NALCN: variants seen among roughly 807,000 people sequenced by gnomAD.
The protein encoded by NALCN is sodium leak channel, non-selective.
In NALCN, 111 loss-of-function variants were observed where a neutral mutation model predicts 225.3. The ratio of observed to expected loss-of-function variants is 0.49; its 90% confidence interval spans 0.42 to 0.58. The LOEUF (loss-of-function observed/expected upper bound fraction) is 0.58, where lower values mean the gene tolerates loss of function less well. Among genes scored for constraint, NALCN ranks in the 20% least tolerant of loss-of-function variants. The pLI, the probability that NALCN is intolerant of heterozygous loss-of-function variation, is 0.00. For missense variants in NALCN, 1,378 were observed against 2,202.4 expected, an observed-to-expected ratio of 0.63 and a Z score of 7.49; for synonymous variants, 764 against 769.0, an observed-to-expected ratio of 0.99 and a Z score of 0.11.
intron 20 of NALCN, among the ~76,000 whole-genome samples, chr13:101,108,353 T>C (rs2035254665): frequency 6.6e-6 from 1 of 152,124 alleles, no homozygotes; most frequent in Non-Finnish European, 1.5e-5. Flanking sequence ...ATATGGCAAG[T>C]GGAAACAAAA....
At chr13:101,151,955 C>A (rs1477716435) in intron 15 of NALCN, among the ~76,000 whole-genome samples, 2 of 152,126 alleles carry the variant, frequency 1.3e-5, no homozygotes, top group Non-Finnish European at 1.5e-5. Context: ...CTGCTGTGGA[C>A]AAAAGGCAAC....
chr13:101,378,694 T>A, intron 3 of NALCN, 41 bp from the exon 4 acceptor site: 1 of 1,502,700 alleles, frequency 6.7e-7, no homozygotes, highest in Non-Finnish European at 9.2e-7. Flanking sequence ...GCAAAGCAAA[T>A]ATTTTAAAGA....
At chr13:101,366,073 G>A (rs2046369672) in intron 6 of NALCN, among the ~76,000 whole-genome samples, 2 of 151,822 alleles carry the variant, frequency 1.3e-5, no homozygotes, top group African/African-American at 2.4e-5. Context: ...TTCCAGCTTC[G>A]GGGAGATTTC....
At chr13:101,284,075 C>T (rs978248260) in intron 9 of NALCN, 56 bp from the exon 10 acceptor site, 1 of 1,429,276 alleles carries the variant, frequency 7.0e-7, no homozygotes, top group South Asian at 1.2e-5. Context: ...ACATTGAGAA[C>T]TCTATGTCTC....
chr13:101,083,496 A>T (rs934164657), intron 31 of NALCN, among the ~76,000 whole-genome samples: 1 of 152,166 alleles, frequency 6.6e-6, no homozygotes, highest in Non-Finnish European at 1.5e-5. Flanking sequence ...TCATTTTTTC[A>T]TTAAGGCTTA....
intron 13 of NALCN, among the ~76,000 whole-genome samples, chr13:101,224,244 CT>C (rs1214253053): frequency 1.3e-5 from 2 of 152,088 alleles, no homozygotes; most frequent in African/African-American, 4.8e-5. Flanking sequence ...GCTTATGTCT[CT>C]TTCTCTCCCA....
chr13:101,305,725 T>C (rs891388050), intron 7 of NALCN, among the ~76,000 whole-genome samples: 1 of 152,194 alleles, frequency 6.6e-6, no homozygotes, highest in East Asian at 1.9e-4. Context: ...ATTGGAAAAA[T>C]GCAGTATTTA....
intron 6 of NALCN, among the ~76,000 whole-genome samples, chr13:101,347,561 G>T (rs73566948): frequency 0.048 from 7,335 of 152,204 alleles, 220 homozygotes; most frequent in Admixed American, 0.082. Flanking sequence ...CAAATACTAT[G>T]AACCTCATCA....
chr13:101,180,901 C>A (rs1594378014), intron 14 of NALCN: 1 of 374,524 alleles, frequency 2.7e-6, no homozygotes. Flanking sequence ...AGTCTTATTT[C>A]TTCTCAGAAA....
intron 7 of NALCN, among the ~76,000 whole-genome samples, chr13:101,332,661 CTTAT>C (rs780072187): frequency 2.6e-5 from 4 of 152,150 alleles, no homozygotes; most frequent in Non-Finnish European, 5.9e-5. Context: ...TACTGTAGAT[CTTAT>C]TTAACAAAAG....
At chr13:101,244,474 A>G (rs2041836326) in intron 11 of NALCN, among the ~76,000 whole-genome samples, 1 of 152,218 alleles carries the variant, frequency 6.6e-6, no homozygotes, top group South Asian at 2.1e-4. Context: ...TTATATTTAA[A>G]TATCTATAGT....
intron 28 of NALCN, 152 bp downstream of exon 28, chr13:101,095,422 C>G: frequency 1.8e-6 from 1 of 564,722 alleles, no homozygotes; most frequent in Non-Finnish European, 3.0e-6. Context: ...TTCTATCTTC[C>G]AATATAATCT....
intron 43 of NALCN, 55 bp downstream of exon 43, chr13:101,057,884 G>T: frequency 7.3e-7 from 1 of 1,371,988 alleles, no homozygotes. Context: ...CACACAAACA[G>T]AGTAAATACC....
intron 7 of NALCN, among the ~76,000 whole-genome samples, chr13:101,305,307 A>T (rs959337997): frequency 6.6e-6 from 1 of 152,216 alleles, no homozygotes; most frequent in Non-Finnish European, 1.5e-5. Flanking sequence ...ATTGGTTGGA[A>T]GGAAATAAGT....
chr13:101,356,785 C>T (rs1341996315), intron 6 of NALCN, among the ~76,000 whole-genome samples: 3 of 152,062 alleles, frequency 2.0e-5, no homozygotes, highest in Non-Finnish European at 4.4e-5. Context: ...TGCAAAAATC[C>T]TCAATAAAAT....
chr13:101,114,199 A>G (rs1470038092), intron 18 of NALCN, among the ~76,000 whole-genome samples: 1 of 152,202 alleles, frequency 6.6e-6, no homozygotes. Flanking sequence ...GACCTTAGAC[A>G]GGTGATGTGC....
In NALCN at chr13:101,054,093, T is replaced by C. The variant is rs2030904015; in HGVS notation, c.*1202A>G. The C allele has an allele frequency of 6.6e-6, 1 of 152,162 alleles. No homozygotes were observed. The highest frequency in any genetic ancestry group is 3.2e-3 in the Middle Eastern group (1 of 314). The allele number at this position is 152,162 out of a possible 1,614,324, so 9.4% of individuals were successfully genotyped here. Reference sequence around the variant, plus strand: ...AGCAAATGTCCAATCTGTAATAAAATAGTTAAAGGTCCAAGTCAAGTCCAC... The same window carrying C: ...AGCAAATGTCCAATCTGTAATAAAACAGTTAAAGGTCCAAGTCAAGTCCAC... On this transcript the variant is annotated 3_prime_UTR_variant, in exon 44 of 44. Transcript: ENST00000251127.
chr13:101,256,140 C>G (rs929400528), intron 11 of NALCN, among the ~76,000 whole-genome samples: 1 of 152,170 alleles, frequency 6.6e-6, no homozygotes, highest in Admixed American at 6.5e-5. Context: ...CCCACATTCA[C>G]GTGACACCCT....
chr13:101,307,424 A>C (rs901686116), intron 7 of NALCN, among the ~76,000 whole-genome samples: 1 of 152,180 alleles, frequency 6.6e-6, no homozygotes, highest in East Asian at 1.9e-4. Context: ...TCACTCTTAC[A>C]TTAAAAATGA....
Sources: allele counts gnomAD v4.1 joint callset (sites outside exome capture counted in the v4.1 genomes callset), GRCh38; gene constraint gnomAD v4.1.1; transcripts MANE v1.5; gene names NCBI Gene and HGNC (gene_info 2026-07-23, HGNC 2026-07-21).